Variants in KCNIP4 observed in about 807,000 individuals in gnomAD.
The protein encoded by KCNIP4 is Kv channel-interacting protein 4.
Under a neutral mutation model 34.0 loss-of-function variants are expected in KCNIP4, and 12 were observed. The ratio of observed to expected loss-of-function variants is 0.35; its 90% CI spans 0.23 to 0.57. The LOEUF (loss-of-function observed/expected upper bound fraction) is 0.57, where lower values mean the gene tolerates loss of function less well. Among genes scored for constraint, KCNIP4 ranks in the 20% least tolerant of loss-of-function variants. KCNIP4 has a pLI of 0.83. For synonymous variants in KCNIP4, 124 were observed against 102.2 expected, an observed-to-expected ratio of 1.21 and a Z score of -1.29; for missense variants, 238 against 311.7, an observed-to-expected ratio of 0.76 and a Z score of 1.78.
At chr4:20,803,029 C>T (rs983885138) in intron 3 of KCNIP4, among the ~76,000 whole-genome samples, 18 of 142,580 alleles carry the variant, frequency 1.3e-4, no homozygotes, top group Admixed American at 1.5e-4. Flanking sequence ...GAGCAGAGAT[C>T]GCTCCACTGC....
At chr4:21,557,424 T>A (rs1055850590) in intron 1 of KCNIP4, among the ~76,000 whole-genome samples, 1 of 152,170 alleles carries the variant, frequency 6.6e-6, no homozygotes, top group African/African-American at 2.4e-5. Flanking sequence ...GTCTTTGACA[T>A]GGCTATGTAA....
chr4:21,125,708 C>T (rs574633440), intron 1 of KCNIP4, among the ~76,000 whole-genome samples: 15 of 152,196 alleles, frequency 9.9e-5, no homozygotes, highest in Non-Finnish European at 2.1e-4. Flanking sequence ...CTCTGAATGT[C>T]TCTGTAATCT....
intron 1 of KCNIP4, among the ~76,000 whole-genome samples, chr4:20,922,041 A>C (rs1170617304): frequency 6.6e-6 from 1 of 152,242 alleles, no homozygotes; most frequent in Non-Finnish European, 1.5e-5. Context: ...ATGGCAAAAG[A>C]AGCATCAGTT....
intron 2 of KCNIP4, among the ~76,000 whole-genome samples, chr4:20,878,449 A>G (rs1724304505): frequency 6.6e-6 from 1 of 152,196 alleles, no homozygotes; most frequent in South Asian, 2.1e-4. Context: ...TGAGCCAATC[A>G]AGATATGTCC....
chr4:20,839,244 G>C (rs940480504), intron 3 of KCNIP4, among the ~76,000 whole-genome samples: 1 of 151,948 alleles, frequency 6.6e-6, no homozygotes, highest in African/African-American at 2.4e-5. Context: ...TAAGTCATTA[G>C]ACATCCAGTG....
At chr4:21,268,498 T>C (rs2109126291) in intron 1 of KCNIP4, among the ~76,000 whole-genome samples, 1 of 152,300 alleles carries the variant, frequency 6.6e-6, no homozygotes, top group South Asian at 2.1e-4. Context: ...TGATGTTTTC[T>C]AAAATTAACT....
intron 1 of KCNIP4, among the ~76,000 whole-genome samples, chr4:21,034,513 C>A (rs968843259): frequency 3.9e-5 from 6 of 152,126 alleles, no homozygotes; most frequent in African/African-American, 1.4e-4. Flanking sequence ...ATGACTGGGG[C>A]ACCCTTGTCT....
intron 1 of KCNIP4, among the ~76,000 whole-genome samples, chr4:21,012,380 A>T (rs999515770): frequency 1.3e-5 from 2 of 152,132 alleles, no homozygotes; most frequent in African/African-American, 2.4e-5. Flanking sequence ...GGAGTTCAAG[A>T]CCAGCCTGGG....
At chr4:21,116,393 C>T (rs1253161974) in intron 1 of KCNIP4, among the ~76,000 whole-genome samples, 2 of 152,140 alleles carry the variant, frequency 1.3e-5, no homozygotes, top group Non-Finnish European at 2.9e-5. Flanking sequence ...CTCATTTATC[C>T]AAGGAACAGA....
rs535309015 is a variant in KCNIP4, at chr4:21,123,087, G to A, written c.62-240378C>T. Reference sequence around the variant, plus strand: ...AAATTAACCGGACTTGGTGGCGGGCGCCTGTAGTCCCAGCTACTTGGGAGG... The same window carrying A: ...AAATTAACCGGACTTGGTGGCGGGCACCTGTAGTCCCAGCTACTTGGGAGG... On this transcript the variant is annotated intron_variant, in intron 1 of 8. Transcript: ENST00000382152. Among the ~76,000 whole-genome samples, 150 of 152,128 alleles carry A rather than the reference G, an allele frequency of 9.9e-4. 1 individual carries two copies. The highest frequency in any genetic ancestry group is 3.0e-3 in the African/African-American group (125 of 41,522).
chr4:20,748,560 T>TTATATA (rs3075750), intron 5 of KCNIP4, among the ~76,000 whole-genome samples: 135 of 64,808 alleles, frequency 2.1e-3, no homozygotes, highest in African/African-American at 2.7e-3. Flanking sequence ...CTTCCAAATT[T>TTATATA]TATATATATA....
intron 1 of KCNIP4, among the ~76,000 whole-genome samples, chr4:21,417,075 C>A: frequency 6.6e-6 from 1 of 152,270 alleles, no homozygotes; most frequent in South Asian, 2.1e-4. Context: ...CTTGGAAAAT[C>A]GAACTGGGAT....
At chr4:21,819,845 T>C (rs1722219656) in intron 1 of KCNIP4, among the ~76,000 whole-genome samples, 1 of 152,124 alleles carries the variant, frequency 6.6e-6, no homozygotes, top group South Asian at 2.1e-4. Flanking sequence ...TAGAAAATTA[T>C]GAGACAGTCC....
Position 21,446,524 on chromosome 4 carries a change from C to G in KCNIP4, c.61+502047G>C, listed in dbSNP as rs369210050. Among the ~76,000 whole-genome samples the G allele has an allele frequency of 1.0e-4, 15 of 149,834 alleles. 1 individual carries two copies. The South Asian group carries it at 2.5e-3, about 25-fold the overall frequency. ...ATCATTCTCAGCAAACTATCGCAAGCACAAAAAACCAAACACCGCATGTTC... is the reference window on the plus strand; with the variant it reads ...ATCATTCTCAGCAAACTATCGCAAGGACAAAAAACCAAACACCGCATGTTC... On this transcript the variant is annotated intron_variant, in intron 1 of 8. Transcript: ENST00000382152.
chr4:21,216,945 A>G (rs1266557982), intron 1 of KCNIP4, among the ~76,000 whole-genome samples: 1 of 152,200 alleles, frequency 6.6e-6, no homozygotes, highest in African/African-American at 2.4e-5. Context: ...CAAGTTTCAT[A>G]CTGAAAAATA....
chr4:21,822,386 G>A (rs1722406953), intron 1 of KCNIP4, among the ~76,000 whole-genome samples: 1 of 152,150 alleles, frequency 6.6e-6, no homozygotes, highest in South Asian at 2.1e-4. Context: ...GACAAATCCA[G>A]AGTCTCAACC....
At chr4:20,811,737 T>A (rs1351791060) in intron 3 of KCNIP4, among the ~76,000 whole-genome samples, 1 of 152,014 alleles carries the variant, frequency 6.6e-6, no homozygotes. Flanking sequence ...AGTTAAGAAG[T>A]TTTTCAAAAG....
chr4:21,271,300 C>A (rs1560238036), intron 1 of KCNIP4, among the ~76,000 whole-genome samples: 1 of 152,106 alleles, frequency 6.6e-6, no homozygotes, highest in Non-Finnish European at 1.5e-5. Flanking sequence ...CAGAGACTTT[C>A]CATGTGGAAT....
intron 1 of KCNIP4, among the ~76,000 whole-genome samples, chr4:21,928,281 A>G (rs1473302916): frequency 6.6e-6 from 1 of 152,100 alleles, no homozygotes; most frequent in Admixed American, 6.6e-5. Flanking sequence ...GGACACTGCT[A>G]GATGACTTCA....
Sources: allele counts gnomAD v4.1 joint callset (sites outside exome capture counted in the v4.1 genomes callset), GRCh38; gene constraint gnomAD v4.1.1; transcripts MANE v1.5; gene names NCBI Gene and HGNC (gene_info 2026-07-23, HGNC 2026-07-21).